Variants in CCDC91 observed in about 807,000 individuals in gnomAD.
CCDC91 encodes coiled-coil domain containing 91.
Under a neutral mutation model 63.2 loss-of-function variants are expected in CCDC91, and 48 were observed. That is an observed-to-expected ratio of 0.76 (90% CI 0.60 to 0.97). The LOEUF is 0.97. CCDC91 is among the 50% of genes least tolerant of loss of function. The pLI, the probability that CCDC91 is intolerant of heterozygous loss-of-function variation, is 0.00. For synonymous variants in CCDC91, 167 were observed against 165.8 expected (o/e 1.01, Z -0.06); for missense variants, 500 against 494.6 (o/e 1.01, Z -0.10).
At chr12:28,386,488 C>T (rs1167787388) in intron 7 of CCDC91, among the ~76,000 whole-genome samples, 1 of 152,142 alleles carries the variant, frequency 6.6e-6, no homozygotes, top group Admixed American at 6.5e-5. Context: ...CCTGCCTGAG[C>T]CTCCTGAGTA....
chr12:28,328,818 T>C (rs1433325901), intron 6 of CCDC91, among the ~76,000 whole-genome samples: 1 of 152,134 alleles, frequency 6.6e-6, no homozygotes, highest in Non-Finnish European at 1.5e-5. Flanking sequence ...TTAACTCCTT[T>C]ATTGTTTATA....
At position 28,247,393 on chromosome 12, in the gene CCDC91, T is replaced by C. The variant is rs1159780834; in HGVS notation, c.-14-9809T>C. Among the ~76,000 whole-genome samples, 4 of 146,724 alleles carry C rather than the reference T, an allele frequency of 2.7e-5. No individual in the cohort carries two copies. The East Asian group carries it at 8.1e-4, about 30-fold the overall frequency. The stretch of plus-strand genomic sequence containing the variant: ...TACTTGGGAGGCTAAGCCAGGAGAA[T>C]GGCGTGAACCCGGGAGGCGGAGCTT... On this transcript the variant is annotated intron_variant, in intron 1 of 12. Transcript: ENST00000536442.
chr12:28,449,103 T>G (rs976812888), intron 8 of CCDC91, among the ~76,000 whole-genome samples: 2 of 152,048 alleles, frequency 1.3e-5, no homozygotes, highest in Non-Finnish European at 2.9e-5. Flanking sequence ...TTCATGTGAT[T>G]TTACTTACTC....
At chr12:28,428,661 C>T (rs1166329970) in intron 8 of CCDC91, among the ~76,000 whole-genome samples, 1 of 149,270 alleles carries the variant, frequency 6.7e-6, no homozygotes, top group Non-Finnish European at 1.5e-5. Flanking sequence ...AGTAAGGCAT[C>T]GTTTTTTAAT....
chr12:28,488,359 T>C (rs1354400286), intron 12 of CCDC91, among the ~76,000 whole-genome samples: 1 of 151,836 alleles, frequency 6.6e-6, no homozygotes, highest in Non-Finnish European at 1.5e-5. Context: ...AGATACATAG[T>C]ACTTGTAATA....
chr12:28,323,725 A>T (rs1227031951), intron 6 of CCDC91, among the ~76,000 whole-genome samples: 1 of 151,976 alleles, frequency 6.6e-6, no homozygotes, highest in Non-Finnish European at 1.5e-5. Flanking sequence ...GGGGGAAGTC[A>T]TTAGAGTTTA....
intron 12 of CCDC91, chr12:28,484,367 A>G: frequency 3.1e-6 from 1 of 320,370 alleles, no homozygotes; most frequent in Non-Finnish European, 5.8e-6. Flanking sequence ...AGCAAAAACA[A>G]CAGTGAATAA....
chr12:28,379,844 C>T (rs1464631301), intron 7 of CCDC91, among the ~76,000 whole-genome samples: 1 of 152,148 alleles, frequency 6.6e-6, no homozygotes, highest in Admixed American at 6.5e-5. Context: ...ACTATAAGAA[C>T]ACATGCACAC....
At chr12:28,287,650 C>T (rs770900003) in intron 3 of CCDC91, among the ~76,000 whole-genome samples, 1 of 152,016 alleles carries the variant, frequency 6.6e-6, no homozygotes, top group Non-Finnish European at 1.5e-5. Context: ...AGCATAATGC[C>T]TCCAGTTTTG....
chr12:28,352,140 A>C (rs1380486436), intron 6 of CCDC91, among the ~76,000 whole-genome samples: 2 of 152,216 alleles, frequency 1.3e-5, no homozygotes, highest in African/African-American at 4.8e-5. Context: ...ACCTAAATTA[A>C]AATGCTTATT....
chr12:28,549,047 T>A lies in CCDC91; in HGVS notation c.1216-16T>A. On this transcript the variant is annotated splice_polypyrimidine_tract_variant and intron_variant, in intron 12 of 12. Coordinates refer to ENST00000536442, the MANE Select transcript of CCDC91 (RefSeq NM_018318.5). ...TTTTTTTTCTCTTTCTCTCTCTCTTTAAAAAAATTAAACAGCTCGATCAAG... is the reference window on the plus strand; with the variant it reads ...TTTTTTTTCTCTTTCTCTCTCTCTTAAAAAAAATTAAACAGCTCGATCAAG... 6.5e-7 allele frequency: 1 copy of A among 1,547,380 alleles called. No homozygotes were observed. The highest frequency in any genetic ancestry group is 8.9e-7 in the Non-Finnish European group (1 of 1,122,494).
chr12:28,242,598 G>T (rs1010492656), intron 1 of CCDC91, among the ~76,000 whole-genome samples: 1 of 152,164 alleles, frequency 6.6e-6, no homozygotes, highest in Non-Finnish European at 1.5e-5. Flanking sequence ...GAGAAAGAGA[G>T]GGAGAGAGCA....
chr12:28,382,473 TTAAG>T (rs1301180358), intron 7 of CCDC91, among the ~76,000 whole-genome samples: 4 of 151,768 alleles, frequency 2.6e-5, no homozygotes, highest in African/African-American at 7.3e-5. Flanking sequence ...TAAAAAAAAA[TTAAG>T]TGTCATAATT....
At chr12:28,231,554 T>G (rs1189214149) in intron 1 of CCDC91, among the ~76,000 whole-genome samples, 1 of 152,194 alleles carries the variant, frequency 6.6e-6, no homozygotes, top group Non-Finnish European at 1.5e-5. Flanking sequence ...ATTTTAAAAG[T>G]GAAGAGTGTA....
intron 7 of CCDC91, among the ~76,000 whole-genome samples, chr12:28,373,885 A>T (rs1258287322): frequency 1.3e-5 from 2 of 152,106 alleles, no homozygotes; most frequent in Non-Finnish European, 2.9e-5. Flanking sequence ...AATGTCTGGC[A>T]TGTCCCCTGT....
chr12:28,390,500 CAG>C (rs1315848294), intron 7 of CCDC91, among the ~76,000 whole-genome samples: 2 of 151,858 alleles, frequency 1.3e-5, no homozygotes, highest in African/African-American at 2.4e-5. Context: ...CAAAGCTAAA[CAG>C]AGAGAAAGAA....
chr12:28,273,309 CAT>C (rs1438952022), intron 3 of CCDC91, among the ~76,000 whole-genome samples: 5 of 152,182 alleles, frequency 3.3e-5, no homozygotes, highest in Non-Finnish European at 5.9e-5. Context: ...TACGTGTGCA[CAT>C]GTCTTTATAG....
intron 12 of CCDC91, among the ~76,000 whole-genome samples, chr12:28,545,473 C>T (rs1942925328): frequency 6.6e-6 from 1 of 152,056 alleles, no homozygotes; most frequent in South Asian, 2.1e-4. Flanking sequence ...ATGTACTATG[C>T]CCAAGAAGGA....
chr12:28,482,529 A>G (rs559044067), intron 11 of CCDC91, among the ~76,000 whole-genome samples: 4 of 151,964 alleles, frequency 2.6e-5, no homozygotes, highest in South Asian at 2.1e-4. Context: ...ACAAGAGAAA[A>G]TGTGTATTGC....
Sources: gnomAD v4.1 joint callset for allele counts (sites outside exome capture counted in the v4.1 genomes callset) on GRCh38, gnomAD v4.1.1 for gene constraint, MANE v1.5 for transcripts, NCBI Gene and HGNC (gene_info 2026-07-23, HGNC 2026-07-21) for gene names.